ABCC9: variants seen among roughly 807,000 people sequenced by gnomAD.
The protein encoded by ABCC9 is ATP binding cassette subfamily C member 9.
In ABCC9, 95 loss-of-function variants were observed where a neutral mutation model predicts 188.3. The ratio of observed to expected loss-of-function variants is 0.50; its 90% CI spans 0.43 to 0.60. The LOEUF (loss-of-function observed/expected upper bound fraction) is 0.60, where lower values mean the gene tolerates loss of function less well. Ranked by LOEUF, ABCC9 falls within the 20% of genes least tolerant of loss-of-function variation. ABCC9 has a pLI of 0.00. For synonymous variants in ABCC9, 659 were observed against 652.7 expected (o/e 1.01, Z -0.15); for missense variants, 1,102 against 1,876.3 (o/e 0.59, Z 7.62).
chr12:21,929,503 A>C (rs1949188823), intron 4 of ABCC9, among the ~76,000 whole-genome samples: 1 of 152,032 alleles, frequency 6.6e-6, no homozygotes, highest in African/African-American at 2.4e-5. Context: ...ATTAGGAAAG[A>C]CTTTGCACTG....
chr12:21,881,947 C>T (rs1946638482), intron 16 of ABCC9, among the ~76,000 whole-genome samples: 1 of 152,148 alleles, frequency 6.6e-6, no homozygotes, highest in Admixed American at 6.5e-5. Context: ...GGAGGGCTAG[C>T]ACTAGCTTGT....
At chr12:21,820,376 C>T in intron 31 of ABCC9, among the ~76,000 whole-genome samples, 1 of 152,000 alleles carries the variant, frequency 6.6e-6, no homozygotes. Flanking sequence ...TTCATCCATC[C>T]ATTCATACAT....
chr12:21,885,720 G>A (rs969902149), intron 15 of ABCC9, among the ~76,000 whole-genome samples: 7 of 152,078 alleles, frequency 4.6e-5, no homozygotes, highest in African/African-American at 1.4e-4. Context: ...ATATAAACAT[G>A]GCTGGTGGTC....
intron 11 of ABCC9, among the ~76,000 whole-genome samples, chr12:21,906,610 AT>A (rs1948061974): frequency 6.6e-6 from 1 of 152,088 alleles, no homozygotes; most frequent in African/African-American, 2.4e-5. Flanking sequence ...ATAGACATAA[AT>A]TTACATAATA....
At chr12:21,916,269 T>C (rs1336349732) in intron 6 of ABCC9, among the ~76,000 whole-genome samples, 2 of 152,184 alleles carry the variant, frequency 1.3e-5, no homozygotes, top group Non-Finnish European at 2.9e-5. Flanking sequence ...AACACCATTA[T>C]TGAGTCTCTT....
At chr12:21,828,851 G>T in intron 31 of ABCC9, 107 bp downstream of exon 31, 1 of 876,134 alleles carries the variant, frequency 1.1e-6, no homozygotes, top group Non-Finnish European at 1.9e-6. Context: ...AAAATGTGAA[G>T]CTAGTGCCGA....
intron 14 of ABCC9, among the ~76,000 whole-genome samples, chr12:21,889,976 A>C (rs75646656): frequency 3.3e-5 from 5 of 152,076 alleles, no homozygotes; most frequent in African/African-American, 4.8e-5. Context: ...TTCCATGTCT[A>C]TCTCTCCCAC....
rs1283675593 is a variant in ABCC9 at position 21,845,747 on chromosome 12, G to A, written c.2952C>T (p.Arg984=). ...GGAAGAATCCTCCAGATGTCAGGTA[G>A]CGCCAGCAGGTTTTCCATGGCATTT... ...RTKMPWKTCW[R]YLTSGGFFLL... Residue 984 remains arginine (R), a synonymous_variant, in exon 26 of 40, where the codon CGC becomes CGT. Transcript: ENST00000261200. 3 of 1,613,774 alleles carry A rather than the reference G, an allele frequency of 1.9e-6. No individual in the cohort carries two copies. Among genetic ancestry groups the A allele is most frequent in the Non-Finnish European group, 2.5e-6 (3 of 1,179,862 alleles).
intron 39 of ABCC9, among the ~76,000 whole-genome samples, chr12:21,804,962 A>G (rs1484770724): frequency 6.6e-6 from 1 of 152,230 alleles, no homozygotes; most frequent in African/African-American, 2.4e-5. Flanking sequence ...TCTCTTTTGC[A>G]TGTATATATT....
intron 15 of ABCC9, among the ~76,000 whole-genome samples, chr12:21,885,784 A>G (rs555081264): frequency 1.4e-4 from 21 of 152,310 alleles, no homozygotes; most frequent in Middle Eastern, 3.4e-3. Flanking sequence ...AGAAAGTGAA[A>G]AAACAAAAAC....
chr12:21,850,534 A>G (rs961474287), intron 24 of ABCC9, among the ~76,000 whole-genome samples: 1 of 152,122 alleles, frequency 6.6e-6, no homozygotes, highest in Non-Finnish European at 1.5e-5. Context: ...CAGTTCATAC[A>G]TAACCCTGTA....
intron 5 of ABCC9, among the ~76,000 whole-genome samples, chr12:21,921,433 T>C (rs912003589): frequency 1.3e-5 from 2 of 152,098 alleles, no homozygotes; most frequent in African/African-American, 4.8e-5. Flanking sequence ...ATTTTTTTCC[T>C]ATAGAGTTGT....
rs563785362 is a variant in ABCC9 at position 21,840,411 on chromosome 12, A to G, written c.3473+1903T>C. Among the ~76,000 whole-genome samples the G allele has an allele frequency of 2.6e-5, 4 of 152,368 alleles. No individual in the cohort carries two copies. The East Asian group carries it at 7.7e-4, about 29-fold the overall frequency. On this transcript the variant is annotated intron_variant, in intron 29 of 39. Coordinates refer to ENST00000261200, the MANE Select transcript of ABCC9 (RefSeq NM_020297.4). ...TTGTCAATATTAATTCTTTAAAATA[A>G]CCATCCTCTCCATACTTTAGTCTCT... is the stretch of plus-strand genomic sequence containing the variant.
intron 29 of ABCC9, 150 bp downstream of exon 29, chr12:21,842,164 G>T: frequency 1.1e-6 from 1 of 894,126 alleles, no homozygotes; most frequent in Non-Finnish European, 1.7e-6. Flanking sequence ...TGTAGTACTC[G>T]GCACATGACA....
intron 11 of ABCC9, among the ~76,000 whole-genome samples, chr12:21,906,860 G>T (rs1012530546): frequency 6.6e-6 from 1 of 152,002 alleles, no homozygotes; most frequent in Non-Finnish European, 1.5e-5. Flanking sequence ...AAGTTCTTGG[G>T]TAAGGCTTAA....
chr12:21,910,965 AG>A lies in ABCC9; in HGVS notation c.1024del (p.Leu342SerfsTer13), dbSNP rs1948296086. ...GTTTTCAAGAAATTCCTTTGATGAG[AG>A]GGTTTCTGAAATCTGGTCCCCAAAG... is the stretch of plus-strand genomic sequence containing the variant. ...TNNTTGISET[L>X]SSKEFLENAY... On this transcript the variant is annotated frameshift_variant, in exon 9 of 40. Transcript: ENST00000261200. LOFTEE classifies it high-confidence loss of function. The A allele has an allele frequency of 6.2e-7, 1 of 1,612,024 alleles. No homozygotes were observed. The highest frequency in any genetic ancestry group is 8.5e-7 in the Non-Finnish European group (1 of 1,178,486).
rs373649330 is a variant in ABCC9 at position 21,868,697 on chromosome 12, T to C, written c.2198+3928A>G. ...GACACATGTAATGGTGAAAGAATGA[T>C]AGCAAAGTATTTGGTGTCTTACCAT... On this transcript the variant is annotated intron_variant, in intron 18 of 39. Transcript: ENST00000261200. Among the ~76,000 whole-genome samples the C allele has an allele frequency of 3.2e-4, 49 of 152,292 alleles. 1 individual carries two copies. The highest frequency in any genetic ancestry group is 1.2e-3 in the African/African-American group (49 of 41,570).
Position 21,901,353 on chromosome 12 carries a change from C to T in ABCC9, c.1618+4773G>A, listed in dbSNP as rs186370493. Among the ~76,000 whole-genome samples the T allele has an allele frequency of 1.4e-4, 21 of 152,242 alleles. 1 individual carries two copies. Among genetic ancestry groups the T allele is most frequent in the Admixed American group, 1.0e-3 (16 of 15,288 alleles). On this transcript the variant is annotated intron_variant, in intron 12 of 39. Transcript: ENST00000261200. The stretch of plus-strand genomic sequence containing the variant: ...TGGTACCAGCCACGGCAAAAACATG[C>T]CAAATTTTAAAGCCCATCGATGCTA...
chr12:21,845,706 A>G lies in ABCC9; in HGVS notation c.2993T>C (p.Ile998Thr). 3.1e-6 allele frequency: 5 copies of G among 1,613,904 alleles called. No individual in the cohort carries two copies. Among genetic ancestry groups the G allele is most frequent in the Non-Finnish European group, 4.2e-6 (5 of 1,179,834 alleles). Residue 998 changes from isoleucine (I) to threonine (T), a missense_variant, in exon 26 of 40, where the codon ATT (isoleucine) becomes ACT (threonine). Physicochemically the swap from Ile to Thr is moderately conservative, Grantham distance 89. Around this residue, in one of 12 missense-constraint regions of ABCC9, gnomAD observed 74 missense variants for 132.7 expected, o/e 0.56. Transcript: ENST00000261200. Reference protein sequence around the residue: ...SGGFFLLILMIFSKLLKHSVI... With the variant: ...SGGFFLLILMTFSKLLKHSVI... ...CGAATGCTTCAAAAGCTTAGAGAAAATCATCAGGATGAGCAGGAAGAATCC... is the reference window on the plus strand; with the variant it reads ...CGAATGCTTCAAAAGCTTAGAGAAAGTCATCAGGATGAGCAGGAAGAATCC...
Sources: gnomAD v4.1 joint callset for allele counts (sites outside exome capture counted in the v4.1 genomes callset) on GRCh38, gnomAD v4.1.1 for gene constraint, gnomAD v4.1.1 regional missense constraint, MANE v1.5 for transcripts, NCBI Gene and HGNC (gene_info 2026-07-23, HGNC 2026-07-21) for gene names.